Variants in GSG1L observed in about 807,000 individuals in gnomAD.
GSG1L encodes GSG1 like.
GSG1L carries 24 observed loss-of-function variants against 42.1 expected under a neutral mutation model. That is an observed-to-expected ratio of 0.57 (90% CI 0.41 to 0.80). GSG1L has a LOEUF of 0.80. Ranked by LOEUF, GSG1L falls within the 30% of genes least tolerant of loss-of-function variation. The pLI is 0.00. For synonymous variants in GSG1L, 215 were observed against 203.5 expected, an observed-to-expected ratio of 1.06 and a Z score of -0.48; for missense variants, 445 against 472.2, an observed-to-expected ratio of 0.94 and a Z score of 0.53.
At chr16:28,042,923 G>A (rs887631704) in intron 1 of GSG1L, among the ~76,000 whole-genome samples, 1 of 152,158 alleles carries the variant, frequency 6.6e-6, no homozygotes, top group Non-Finnish European at 1.5e-5. Context: ...GGGAAAGCAC[G>A]GGCTGAAAAG....
chr16:27,979,700 A>AAAGAAAGAAAGAGAGAG (rs2085298747), intron 1 of GSG1L, among the ~76,000 whole-genome samples: 1 of 46,568 alleles, frequency 2.1e-5, no homozygotes, highest in Non-Finnish European at 4.8e-5. Context: ...GGAAGGAAGG[A>AAAGAAAGAAAGAGAGAG]AGGAAGGAAG....
chr16:27,916,876 T>C (rs1178941955), intron 2 of GSG1L, among the ~76,000 whole-genome samples: 1 of 36,962 alleles, frequency 2.7e-5, no homozygotes, highest in Admixed American at 4.1e-4. Flanking sequence ...TTAAAATCAC[T>C]CAATGCAAAA....
Position 28,057,157 on chromosome 16 carries a change from C to T in GSG1L, c.349+5919G>A, listed in dbSNP as rs139510005. Among the ~76,000 whole-genome samples, 8 of 152,184 alleles carry T rather than the reference C, an allele frequency of 5.3e-5. No homozygotes were observed. In the East Asian group the frequency reaches 5.8e-4, roughly 11 times the overall value. Reference sequence around the variant, plus strand: ...TTCCTGGCAGTCCTTGGAAGGCATTCGACTGTGACTGAGTGAGGAAGGGTC... The same window carrying T: ...TTCCTGGCAGTCCTTGGAAGGCATTTGACTGTGACTGAGTGAGGAAGGGTC... On this transcript the variant is annotated intron_variant, in intron 1 of 6. Transcript: ENST00000447459.
rs182099354 is a variant in GSG1L at position 27,963,270 on chromosome 16, C to T, written c.350-67G>A. 8,444 of 1,370,236 alleles carry T rather than the reference C, an allele frequency of 6.2e-3. 40 individuals are homozygous for T. Among genetic ancestry groups the T allele is most frequent in the Non-Finnish European group, 7.3e-3 (6,979 of 962,322 alleles). The allele number at this position is 1,370,236 out of a possible 1,614,324, so 84.9% of individuals were successfully genotyped here. On this transcript the variant is annotated intron_variant, in intron 1 of 6. Coordinates refer to ENST00000447459, the MANE Select transcript of GSG1L (RefSeq NM_001109763.2). Reference sequence around the variant, plus strand: ...CGTGGGCTTCCGAGGTTTGCCTGCTCCCATCCCATGAGCCCTGGAGCAAGC... The same window carrying T: ...CGTGGGCTTCCGAGGTTTGCCTGCTTCCATCCCATGAGCCCTGGAGCAAGC...
intron 2 of GSG1L, among the ~76,000 whole-genome samples, chr16:27,909,635 C>CTTTTTTTTTT (rs10709968): frequency 1.1e-5 from 1 of 88,274 alleles, no homozygotes; most frequent in African/African-American, 4.6e-5. Flanking sequence ...CTGCACCCAG[C>CTTTTTTTTTT]TTTTTTTTTT....
chr16:28,061,020 A>C (rs2086333566), intron 1 of GSG1L, among the ~76,000 whole-genome samples: 1 of 152,232 alleles, frequency 6.6e-6, no homozygotes, highest in African/African-American at 2.4e-5. Flanking sequence ...AGCTTGGACC[A>C]GGACACTCCA....
intron 4 of GSG1L, among the ~76,000 whole-genome samples, chr16:27,844,650 C>T (rs1449082587): frequency 2.0e-5 from 3 of 152,214 alleles, no homozygotes; most frequent in African/African-American, 7.2e-5. Flanking sequence ...GTAATTTTCA[C>T]ATGTCACAAA....
rs562064091 is a variant in GSG1L at position 27,938,284 on chromosome 16, A to T, written c.397+24872T>A. Among the ~76,000 whole-genome samples, 399 of 151,110 alleles carry T rather than the reference A, an allele frequency of 2.6e-3. 9 individuals carry two copies. Among genetic ancestry groups the T allele is most frequent in the Non-Finnish European group, 1.3e-3 (86 of 67,568 alleles). On this transcript the variant is annotated intron_variant, in intron 2 of 6. Coordinates refer to ENST00000447459, the MANE Select transcript of GSG1L (RefSeq NM_001109763.2). ...CTGTAGTCCCAGCTACTTGGGAGGC[A>T]GAGGCGGGAGAATCACTTGAACCTG...
At chr16:27,946,235 C>T (rs2084858814) in intron 2 of GSG1L, among the ~76,000 whole-genome samples, 1 of 152,100 alleles carries the variant, frequency 6.6e-6, no homozygotes, top group South Asian at 2.1e-4. Context: ...AGTACCTAAC[C>T]CAAAGAGCTG....
At chr16:27,945,443 CT>C (rs1188031953) in intron 2 of GSG1L, among the ~76,000 whole-genome samples, 2 of 152,188 alleles carry the variant, frequency 1.3e-5, no homozygotes, top group Non-Finnish European at 2.9e-5. Flanking sequence ...GCCCCTCCCC[CT>C]GCTCCAGAAG....
intron 1 of GSG1L, among the ~76,000 whole-genome samples, chr16:28,024,154 C>T (rs1186679561): frequency 1.3e-5 from 2 of 152,212 alleles, no homozygotes; most frequent in Non-Finnish European, 2.9e-5. Context: ...CCACGTGCTC[C>T]TGAGATGGGC....
intron 1 of GSG1L, among the ~76,000 whole-genome samples, chr16:28,053,819 CTG>C (rs2086247196): frequency 6.6e-6 from 1 of 152,220 alleles, no homozygotes; most frequent in Non-Finnish European, 1.5e-5. Flanking sequence ...CTGTCTGTTT[CTG>C]TCTCATTGCT....
At chr16:27,901,111 G>C (rs1315469009) in intron 2 of GSG1L, among the ~76,000 whole-genome samples, 1 of 152,224 alleles carries the variant, frequency 6.6e-6, no homozygotes, top group Non-Finnish European at 1.5e-5. Flanking sequence ...CTGGGTGACA[G>C]AGCGAGACGC....
intron 1 of GSG1L, among the ~76,000 whole-genome samples, chr16:28,004,871 C>T (rs1307419592): frequency 2.0e-5 from 3 of 152,052 alleles, no homozygotes; most frequent in Non-Finnish European, 4.4e-5. Flanking sequence ...TGGAGACAGA[C>T]GTGACAACAA....
At chr16:27,836,924 T>C (rs915195751) in intron 4 of GSG1L, among the ~76,000 whole-genome samples, 2 of 152,232 alleles carry the variant, frequency 1.3e-5, no homozygotes, top group Non-Finnish European at 2.9e-5. Flanking sequence ...TTTGAGACTC[T>C]GGATCTTGTT....
chr16:27,840,551 ACT>A (rs1272365733), intron 4 of GSG1L, among the ~76,000 whole-genome samples: 1 of 151,952 alleles, frequency 6.6e-6, no homozygotes, highest in Non-Finnish European at 1.5e-5. Context: ...CACCGAGCAA[ACT>A]CTGTGCTGAG....
At chr16:28,026,938 C>T (rs139082741) in intron 1 of GSG1L, among the ~76,000 whole-genome samples, 1,923 of 152,084 alleles carry the variant, frequency 0.013, 45 homozygotes, top group African/African-American at 0.044. Flanking sequence ...AAAAATTAGC[C>T]GGGCATGGTG....
chr16:27,894,715 A>C (rs1384582578), intron 2 of GSG1L, among the ~76,000 whole-genome samples: 1 of 152,146 alleles, frequency 6.6e-6, no homozygotes, highest in Non-Finnish European at 1.5e-5. Flanking sequence ...GGCCATGGAG[A>C]GCTGTAGGGA....
At chr16:27,823,745 T>C in intron 5 of GSG1L, 1 of 654,214 alleles carries the variant, frequency 1.5e-6, no homozygotes, top group South Asian at 1.7e-5. Context: ...TTTACTCTCA[T>C]TGTGTGCCCA....
Sources: gnomAD v4.1 joint callset for allele counts (sites outside exome capture counted in the v4.1 genomes callset) on GRCh38, gnomAD v4.1.1 for gene constraint, MANE v1.5 for transcripts, NCBI Gene and HGNC (gene_info 2026-07-23, HGNC 2026-07-21) for gene names.